The following TSFM variants were observed in gnomAD, a reference collection of about 807,000 sequenced individuals.
TSFM encodes the protein Ts translation elongation factor, mitochondrial, also known as elongation factor Ts, mitochondrial.
A neutral mutation model predicts 33.4 loss-of-function variants in TSFM; 29 were observed. The ratio of observed to expected loss-of-function variants is 0.87; its 90% CI spans 0.65 to 1.18. The LOEUF is 1.18. Ranked by LOEUF, TSFM falls within the 50% of genes most tolerant of loss-of-function variation. The pLI is 0.00. For missense variants in TSFM, 394 were observed against 395.6 expected, an observed-to-expected ratio of 1.00 and a Z score of 0.04; for synonymous variants, 178 against 163.5, an observed-to-expected ratio of 1.09 and a Z score of -0.68.
In TSFM at chr12:57,797,512, C is replaced by T. The variant is rs1955760138; in HGVS notation, c.*929C>T. On this transcript the variant is annotated 3_prime_UTR_variant, in exon 6 of 6. Coordinates refer to ENST00000652027, the MANE Select transcript of TSFM (RefSeq NM_005726.6). ...AGGCTAAATAGATTTTAGAAATAAT[C>T]ATCTTAAAATTGAAAACAAAGGTAG... 1 of 971,296 alleles carries T rather than the reference C, an allele frequency of 1.0e-6. No individual in the cohort carries two copies. Among genetic ancestry groups the T allele is most frequent in the African/African-American group, 1.8e-5 (1 of 56,870 alleles). The allele number at this position is 971,296 out of a possible 1,614,324, so 60.2% of individuals were successfully genotyped here.
intron 4 of TSFM, 31 bp from the exon 5 acceptor site, chr12:57,792,955 C>T: frequency 1.3e-6 from 2 of 1,591,894 alleles, no homozygotes; most frequent in Non-Finnish European, 1.7e-6. Flanking sequence ...AGTACAGAAT[C>T]AGTTCATGTT....
At chr12:57,797,899 C>A, downstream of TSFM, 1 of 1,611,958 alleles carries the variant, frequency 6.2e-7, no homozygotes, top group Non-Finnish European at 8.5e-7. Flanking sequence ...AGCCCCTTTT[C>A]TTTCTTCATT....
chr12:57,783,992 A>G, intron 2 of TSFM: 2 of 702,966 alleles, frequency 2.8e-6, no homozygotes, highest in Non-Finnish European at 5.2e-6. Flanking sequence ...AGGAAGATAC[A>G]TTCTGAGAAA....
intron 4 of TSFM, chr12:57,791,816 T>C (rs1407961932): frequency 5.9e-6 from 1 of 169,104 alleles, no homozygotes; most frequent in Non-Finnish European, 1.3e-5. Context: ...AGAAATAGGA[T>C]TTCAGGGTCA....
chr12:57,792,738 G>A (rs775314660), intron 4 of TSFM, among the ~76,000 whole-genome samples: 4 of 152,114 alleles, frequency 2.6e-5, no homozygotes, highest in African/African-American at 7.2e-5. Context: ...GATTACAGGC[G>A]TGTGCCACCA....
At chr12:57,802,400 GTACTAGATCA>G, downstream of TSFM, 1 of 1,541,234 alleles carries the variant, frequency 6.5e-7, no homozygotes, top group Non-Finnish European at 8.8e-7. Flanking sequence ...CAAGGACTAA[GTACTAGATCA>G]TACACATTAC....
intron 4 of TSFM, among the ~76,000 whole-genome samples, chr12:57,788,188 T>C (rs1448606679): frequency 9.2e-5 from 14 of 152,244 alleles, no homozygotes; most frequent in Non-Finnish European, 1.9e-4. Flanking sequence ...TGAGATTATT[T>C]TTTTTAATTG....
chr12:57,791,878 G>A (rs916080937), intron 4 of TSFM: 1 of 296,094 alleles, frequency 3.4e-6, no homozygotes, highest in Non-Finnish European at 7.1e-6. Flanking sequence ...CACACCATTG[G>A]ATTTGTACCA....
At chr12:57,801,318 G>T, downstream of TSFM, 1 of 860,382 alleles carries the variant, frequency 1.2e-6, no homozygotes, top group South Asian at 1.6e-5. Flanking sequence ...CAGGGAGTCA[G>T]AAGACATTTC....
intron 2 of TSFM, 60 bp from the exon 3 acceptor site, chr12:57,786,103 C>A: frequency 6.6e-7 from 1 of 1,511,070 alleles, no homozygotes. Context: ...TATCTTAGAA[C>A]TACATTTAGT....
At chr12:57,783,768 T>C in intron 2 of TSFM, 1 of 585,406 alleles carries the variant, frequency 1.7e-6, no homozygotes, top group Non-Finnish European at 3.0e-6. Flanking sequence ...TATTTTATTT[T>C]TTATTTTTTA....
intron 5 of TSFM, among the ~76,000 whole-genome samples, chr12:57,795,338 G>C (rs1955719507): frequency 6.6e-6 from 1 of 151,638 alleles, no homozygotes; most frequent in Admixed American, 6.6e-5. Context: ...AACCTCAGGT[G>C]ATCTGCCTGC....
rs892022407 is a variant in TSFM, at chr12:57,783,389, A to G, written c.231+106A>G. On this transcript the variant is annotated intron_variant, in intron 2 of 5. Transcript: ENST00000652027. Reference sequence around the variant, plus strand: ...GTTAGACTGCTCTTCAGTGACCATAATGGCACAGTCCTAAGTGGAAATCTG... The same window carrying G: ...GTTAGACTGCTCTTCAGTGACCATAGTGGCACAGTCCTAAGTGGAAATCTG... 3.0e-6 allele frequency: 4 copies of G among 1,350,192 alleles called. No individual in the cohort carries two copies. In the African/African-American group the frequency reaches 4.3e-5, roughly 15 times the overall value. 83.6% of individuals were successfully genotyped at this position (1,350,192 alleles called of 1,614,324 possible).
rs879327206 is a variant in TSFM, at chr12:57,797,028, A to G, written c.*445A>G. On this transcript the variant is annotated 3_prime_UTR_variant, in exon 6 of 6. Transcript: ENST00000652027. ...TCTTTAGGATTATTGATTCAAACCT[A>G]GAGTTGTCTGGAAAATGTGGGTTCT... The G allele has an allele frequency of 9.1e-6, 9 of 985,588 alleles. No homozygotes were observed. Among genetic ancestry groups the G allele is most frequent in the Non-Finnish European group, 1.1e-5 (9 of 830,128 alleles). The allele number at this position is 985,588 out of a possible 1,614,324, so 61.1% of individuals were successfully genotyped here.
chr12:57,788,684 G>A (rs1955622443), intron 4 of TSFM, among the ~76,000 whole-genome samples: 1 of 152,078 alleles, frequency 6.6e-6, no homozygotes, highest in South Asian at 2.1e-4. Flanking sequence ...GCCCAGCCTG[G>A]AGTGCAGTGG....
At chr12:57,789,356 A>G (rs1955632114) in intron 4 of TSFM, among the ~76,000 whole-genome samples, 1 of 152,104 alleles carries the variant, frequency 6.6e-6, no homozygotes. Flanking sequence ...AAACAAGGAC[A>G]TTGTTATATA....
intron 4 of TSFM, among the ~76,000 whole-genome samples, chr12:57,789,556 G>T (rs958345740): frequency 6.6e-6 from 1 of 151,736 alleles, no homozygotes; most frequent in African/African-American, 2.4e-5. Flanking sequence ...AGTAGAAATG[G>T]GGTTTTGCCA....
At position 57,793,046 on chromosome 12, in the gene TSFM, CTCAA is replaced by C. The variant is rs1565823841; in HGVS notation, c.545_548del (p.Leu182ArgfsTer6). The C allele has an allele frequency of 6.2e-7, 1 of 1,613,670 alleles. No individual in the cohort carries two copies. Among genetic ancestry groups the C allele is most frequent in the Admixed American group, 1.7e-5 (1 of 59,990 alleles). On this transcript the variant is annotated frameshift_variant, in exon 5 of 6. Transcript: ENST00000652027. LOFTEE classifies it high-confidence loss of function. Reference sequence around the variant, plus strand: ...AGCTGGGCCTGACAGAGAAGGCTCACTCAAGGATCAGTTGGCTTTAGCAATTGGT... The same window carrying C: ...AGCTGGGCCTGACAGAGAAGGCTCACGGATCAGTTGGCTTTAGCAATTGGT...
chr12:57,801,332 G>T, downstream of TSFM: 1 of 761,098 alleles, frequency 1.3e-6, no homozygotes, highest in Non-Finnish European at 2.1e-6. Context: ...ACATTTCAAG[G>T]ATAAGTAAAA....
Sources: allele counts gnomAD v4.1 joint callset (sites outside exome capture counted in the v4.1 genomes callset), GRCh38; gene constraint gnomAD v4.1.1; transcripts MANE v1.5; gene names NCBI Gene and HGNC (gene_info 2026-07-23, HGNC 2026-07-21).